FBXL17: variants seen among roughly 807,000 people sequenced by gnomAD.
FBXL17 encodes F-box and leucine rich repeat protein 17.
A neutral mutation model predicts 66.2 loss-of-function variants in FBXL17; 22 were observed. The observed-to-expected ratio is 0.33, with a 90% CI of 0.24 to 0.47. The LOEUF (loss-of-function observed/expected upper bound fraction) is 0.47. FBXL17 is among the 20% of genes least tolerant of loss of function. FBXL17 has a pLI of 1.00. For synonymous variants in FBXL17, 474 were observed against 400.5 expected, an observed-to-expected ratio of 1.18 and a Z score of -2.19; for missense variants, 878 against 948.2, an observed-to-expected ratio of 0.93 and a Z score of 0.97.
At chr5:107,993,047 C>T (rs1471862521) in intron 7 of FBXL17, among the ~76,000 whole-genome samples, 1 of 152,148 alleles carries the variant, frequency 6.6e-6, no homozygotes, top group Non-Finnish European at 1.5e-5. Context: ...AGGCGCCCGC[C>T]ACCACGCCTG....
intron 6 of FBXL17, among the ~76,000 whole-genome samples, chr5:108,156,209 A>C (rs888974088): frequency 7.2e-5 from 11 of 152,126 alleles, no homozygotes; most frequent in Non-Finnish European, 1.5e-5. Flanking sequence ...GTTCATACAT[A>C]TGATAAGAGA....
At chr5:108,307,670 A>G (rs572342056) in intron 4 of FBXL17, among the ~76,000 whole-genome samples, 45 of 152,048 alleles carry the variant, frequency 3.0e-4, no homozygotes, top group Non-Finnish European at 5.7e-4. Context: ...TATTGCTATT[A>G]CTGATAGTTG....
At chr5:108,187,268 C>T (rs1753275655) in intron 5 of FBXL17, among the ~76,000 whole-genome samples, 1 of 152,126 alleles carries the variant, frequency 6.6e-6, no homozygotes, top group Non-Finnish European at 1.5e-5. Context: ...AAATATTAAG[C>T]TATTTTTGCT....
At chr5:108,096,710 G>C (rs1250043302) in intron 6 of FBXL17, among the ~76,000 whole-genome samples, 1 of 152,144 alleles carries the variant, frequency 6.6e-6, no homozygotes, top group Non-Finnish European at 1.5e-5. Flanking sequence ...GTGCCTGGAT[G>C]GCCAGTGAGT....
intron 6 of FBXL17, among the ~76,000 whole-genome samples, chr5:108,053,258 C>A (rs916341622): frequency 1.3e-5 from 2 of 151,904 alleles, no homozygotes; most frequent in Admixed American, 1.3e-4. Context: ...AGTGAACAGG[C>A]AACCTAAAGA....
chr5:108,169,252 A>G (rs1392599555), intron 6 of FBXL17, among the ~76,000 whole-genome samples: 1 of 152,218 alleles, frequency 6.6e-6, no homozygotes, highest in African/African-American at 2.4e-5. Flanking sequence ...AAATAAAAAG[A>G]AGATAGAAAT....
chr5:108,249,904 A>G (rs958952195), intron 4 of FBXL17, among the ~76,000 whole-genome samples: 2 of 152,134 alleles, frequency 1.3e-5, no homozygotes, highest in Non-Finnish European at 2.9e-5. Context: ...CCAAAAGTAA[A>G]CAGCAACGAA....
chr5:108,208,181 T>C (rs1256424908), intron 5 of FBXL17, among the ~76,000 whole-genome samples: 1 of 152,186 alleles, frequency 6.6e-6, no homozygotes, highest in Admixed American at 6.5e-5. Context: ...TCTTGTAAAT[T>C]TGTTTAAGTT....
chr5:108,267,744 C>T (rs954117220), intron 4 of FBXL17, among the ~76,000 whole-genome samples: 2 of 151,842 alleles, frequency 1.3e-5, no homozygotes, highest in Admixed American at 1.3e-4. Flanking sequence ...AAAATAAGTG[C>T]TATGAAGTCA....
At chr5:108,193,513 T>C (rs924700212) in intron 5 of FBXL17, among the ~76,000 whole-genome samples, 1 of 152,014 alleles carries the variant, frequency 6.6e-6, no homozygotes, top group African/African-American at 2.4e-5. Flanking sequence ...CTTGAGAAGG[T>C]CTGTTATCTA....
chr5:108,133,019 G>A (rs1750995198), intron 6 of FBXL17, among the ~76,000 whole-genome samples: 1 of 152,114 alleles, frequency 6.6e-6, no homozygotes, highest in Non-Finnish European at 1.5e-5. Context: ...AGTAAAGTGT[G>A]ATAAATACCC....
intron 3 of FBXL17, among the ~76,000 whole-genome samples, chr5:108,354,380 G>A (rs1747830500): frequency 6.6e-6 from 1 of 151,970 alleles, no homozygotes; most frequent in African/African-American, 2.4e-5. Context: ...TTAGTAGATG[G>A]GACATGGTTA....
chr5:107,966,654 T>A (rs1290459774), intron 7 of FBXL17, among the ~76,000 whole-genome samples: 1 of 152,156 alleles, frequency 6.6e-6, no homozygotes, highest in Admixed American at 6.6e-5. Context: ...TAAATCCTTA[T>A]CATTCCTTTA....
intron 4 of FBXL17, among the ~76,000 whole-genome samples, chr5:108,263,608 T>C (rs181872255): frequency 1.3e-5 from 2 of 152,334 alleles, no homozygotes; most frequent in African/African-American, 2.4e-5. Context: ...GAAACCACAG[T>C]TGTCAGCAAT....
chr5:108,092,417 C>T (rs1392761783), intron 6 of FBXL17, among the ~76,000 whole-genome samples: 1 of 152,066 alleles, frequency 6.6e-6, no homozygotes, highest in African/African-American at 2.4e-5. Context: ...GATTCTCAGC[C>T]TCCCGAGTAG....
At chr5:108,062,171 A>AAAT (rs1747949322) in intron 6 of FBXL17, among the ~76,000 whole-genome samples, 2 of 152,048 alleles carry the variant, frequency 1.3e-5, no homozygotes, top group African/African-American at 2.4e-5. Context: ...TTCCACTTTT[A>AAAT]AAAAGTTGGG....
At chr5:108,010,781 C>T (rs939054236) in intron 7 of FBXL17, among the ~76,000 whole-genome samples, 4 of 152,090 alleles carry the variant, frequency 2.6e-5, no homozygotes, top group African/African-American at 4.8e-5. Flanking sequence ...AAAAAAATTG[C>T]AATGGATCAC....
Position 108,142,443 on chromosome 5 carries a change from T to C in FBXL17, c.1745+43674A>G, listed in dbSNP as rs147505554. 4.3e-4 allele frequency among the ~76,000 whole-genome samples: 65 copies of C among 152,328 alleles called. 1 individual carries two copies. Among genetic ancestry groups the C allele is most frequent in the African/African-American group, 1.6e-3 (65 of 41,578 alleles). On this transcript the variant is annotated intron_variant, in intron 6 of 8. Transcript: ENST00000542267. ...AGAGTAAATGGTAAATCAGTTGGAC[T>C]TGAATTTCTAGATGCTCCTTACTAT...
At chr5:108,129,674 C>A (rs950781732) in intron 6 of FBXL17, among the ~76,000 whole-genome samples, 2 of 151,902 alleles carry the variant, frequency 1.3e-5, no homozygotes, top group Non-Finnish European at 2.9e-5. Flanking sequence ...AGTTACATAA[C>A]TCCTGAGAAT....
Sources: gnomAD v4.1 joint callset for allele counts (sites outside exome capture counted in the v4.1 genomes callset) on GRCh38, gnomAD v4.1.1 for gene constraint, MANE v1.5 for transcripts, NCBI Gene and HGNC (gene_info 2026-07-23, HGNC 2026-07-21) for gene names.